The following MEI4 variants were observed in gnomAD, a reference collection of about 807,000 sequenced individuals.
The protein encoded by MEI4 is meiosis-specific protein MEI4.
MEI4 carries 27 observed loss-of-function variants against 31.4 expected under a neutral mutation model. The observed-to-expected ratio is 0.86, with a 90% CI of 0.63 to 1.19. The LOEUF is 1.19. Among genes scored for constraint, MEI4 ranks in the 50% most tolerant of loss-of-function variants. The probability of loss-of-function intolerance (pLI) is 0.00; values close to 1 mark genes in which losing one functional copy is unlikely to be tolerated. For synonymous variants in MEI4, 122 were observed against 145.4 expected (o/e 0.84, Z 1.16); for missense variants, 329 against 398.9 (o/e 0.82, Z 1.49).
At chr6:77,872,119 C>T (rs529421985) in intron 4 of MEI4, among the ~76,000 whole-genome samples, 240 of 152,140 alleles carry the variant, frequency 1.6e-3, no homozygotes, top group Non-Finnish European at 2.9e-3. Flanking sequence ...TCCCTTAAAT[C>T]GTGTGCAGTG....
rs796519026 is a variant in MEI4, at chr6:77,813,171, G to T, written c.769-15760G>T. On this transcript the variant is annotated intron_variant, in intron 3 of 4. Coordinates refer to ENST00000684080, the MANE Select transcript of MEI4 (RefSeq NM_001322247.2). Reference sequence around the variant, plus strand: ...TATTTTTTAACACAGAGCTGGAAAAGATATATTTGTGTCATTATTGCTTAA... The same window carrying T: ...TATTTTTTAACACAGAGCTGGAAAATATATATTTGTGTCATTATTGCTTAA... 5.3e-5 allele frequency among the ~76,000 whole-genome samples: 8 copies of T among 152,210 alleles called. No homozygotes were observed. The South Asian group carries it at 1.7e-3, about 32-fold the overall frequency.
chr6:77,653,940 G>C (rs967152618), intron 1 of MEI4, among the ~76,000 whole-genome samples: 2 of 152,102 alleles, frequency 1.3e-5, no homozygotes, highest in Non-Finnish European at 2.9e-5. Flanking sequence ...GTTTTATTTG[G>C]AGCAAGGCTT....
At chr6:77,800,423 C>A (rs1319049941) in intron 3 of MEI4, among the ~76,000 whole-genome samples, 4 of 152,188 alleles carry the variant, frequency 2.6e-5, no homozygotes, top group Non-Finnish European at 5.9e-5. Context: ...TCTAGATATA[C>A]AATCAAGTCA....
chr6:77,659,862 C>T (rs200075164), intron 1 of MEI4, among the ~76,000 whole-genome samples: 1 of 151,986 alleles, frequency 6.6e-6, no homozygotes, highest in African/African-American at 2.4e-5. Flanking sequence ...CAGTGGGTCT[C>T]TGCCGAGAGA....
At chr6:77,791,769 TTTTG>T (rs1768943468) in intron 3 of MEI4, among the ~76,000 whole-genome samples, 1 of 152,166 alleles carries the variant, frequency 6.6e-6, no homozygotes, top group South Asian at 2.1e-4. Context: ...ACCATACCTT[TTTTG>T]GTGAGAGAAC....
chr6:77,784,525 C>A (rs1768680455), intron 3 of MEI4, among the ~76,000 whole-genome samples: 1 of 152,088 alleles, frequency 6.6e-6, no homozygotes, highest in African/African-American at 2.4e-5. Flanking sequence ...AGTCTATGAA[C>A]ATGAGACTTC....
chr6:77,803,805 A>G (rs989402363), intron 3 of MEI4, among the ~76,000 whole-genome samples: 1 of 152,120 alleles, frequency 6.6e-6, no homozygotes, highest in Admixed American at 6.5e-5. Context: ...TGAACAGCAA[A>G]TGTTGCTGCC....
At chr6:77,775,658 T>C (rs1037516134) in intron 3 of MEI4, among the ~76,000 whole-genome samples, 1 of 152,136 alleles carries the variant, frequency 6.6e-6, no homozygotes, top group African/African-American at 2.4e-5. Context: ...CATGTGTAAG[T>C]ATTTTTTGTG....
At chr6:77,923,062 T>A (rs1291062314) in intron 4 of MEI4, 27 bp from the exon 5 acceptor site, 2 of 1,225,126 alleles carry the variant, frequency 1.6e-6, no homozygotes, top group Non-Finnish European at 2.0e-6. Context: ...ACCCAATTTT[T>A]TAAAGGAGTT....
intron 4 of MEI4, among the ~76,000 whole-genome samples, chr6:77,895,900 A>G (rs561410776): frequency 2.8e-4 from 43 of 152,138 alleles, no homozygotes; most frequent in Non-Finnish European, 1.9e-4. Context: ...CTTTCACATA[A>G]TAAACACTGT....
chr6:77,904,784 C>T (rs776011838), intron 4 of MEI4, among the ~76,000 whole-genome samples: 7 of 151,088 alleles, frequency 4.6e-5, no homozygotes, highest in African/African-American at 7.3e-5. Flanking sequence ...ATAAAGAAAT[C>T]TGCACTTCTA....
chr6:77,874,311 G>A (rs1420748882), intron 4 of MEI4, among the ~76,000 whole-genome samples: 6 of 152,140 alleles, frequency 3.9e-5, no homozygotes, highest in Non-Finnish European at 8.8e-5. Context: ...TCCTTGAAGA[G>A]TTCCTTCACA....
In MEI4 at chr6:77,829,280, TA is replaced by T. The variant is rs372941189; in HGVS notation, c.900+219del. ...AACCACTTTATAATGCTTACTTGCATATATGTGCCAAAGATGCCATTGGTGA... is the reference window on the plus strand; with the variant it reads ...AACCACTTTATAATGCTTACTTGCATTATGTGCCAAAGATGCCATTGGTGA... On this transcript the variant is annotated intron_variant, in intron 4 of 4. Transcript: ENST00000684080. Among the ~76,000 whole-genome samples, 954 of 152,272 alleles carry T rather than the reference TA, an allele frequency of 6.3e-3. 13 individuals carry two copies. Among genetic ancestry groups the T allele is most frequent in the African/African-American group, 0.022 (901 of 41,556 alleles).
At chr6:77,759,115 T>G (rs1767984454) in intron 2 of MEI4, among the ~76,000 whole-genome samples, 1 of 152,182 alleles carries the variant, frequency 6.6e-6, no homozygotes, top group Admixed American at 6.5e-5. Flanking sequence ...CCAACAGACA[T>G]TTTTTCAACC....
chr6:77,698,377 T>A (rs1766113812), intron 2 of MEI4, among the ~76,000 whole-genome samples: 1 of 152,168 alleles, frequency 6.6e-6, no homozygotes, highest in African/African-American at 2.4e-5. Context: ...GGTCTTTACA[T>A]TTTGGCAGGT....
chr6:77,783,671 A>G (rs1374891617), intron 3 of MEI4, among the ~76,000 whole-genome samples: 4 of 152,086 alleles, frequency 2.6e-5, no homozygotes, highest in Non-Finnish European at 5.9e-5. Flanking sequence ...TTTCATGAAT[A>G]TCTCTGTTTT....
intron 2 of MEI4, among the ~76,000 whole-genome samples, chr6:77,749,433 T>A (rs1173772794): frequency 6.6e-6 from 1 of 152,082 alleles, no homozygotes; most frequent in Non-Finnish European, 1.5e-5. Flanking sequence ...AATGACCTGA[T>A]GGAGCTGAAA....
chr6:77,923,299 G>A lies in MEI4; in HGVS notation c.1111G>A (p.Val371Met). The A allele has an allele frequency of 8.1e-7, 1 of 1,230,116 alleles. No homozygotes were observed. The highest frequency in any genetic ancestry group is 1.0e-6 in the Non-Finnish European group (1 of 986,596). The allele number at this position is 1,230,116 out of a possible 1,614,324, so 76.2% of individuals were successfully genotyped here. The change falls in exon 5 of 5, where the codon GTG (valine) becomes ATG (methionine). Residue 371 changes from valine to methionine, a missense_variant. Coordinates refer to ENST00000684080, the MANE Select transcript of MEI4 (RefSeq NM_001322247.2). ...TTTGTTTACTTTTTATTTATGGAGA[G>A]TGGGCATTCTTTTGAGCTCAGCACA... ...FPLFTFYLWR[V>M]GILLSSAQIE...
intron 4 of MEI4, among the ~76,000 whole-genome samples, chr6:77,877,677 G>C (rs1001293183): frequency 1.3e-5 from 2 of 151,106 alleles, no homozygotes; most frequent in Admixed American, 6.6e-5. Context: ...TGTTTTGGAG[G>C]GGGGAAAATG....
Sources: gnomAD v4.1 joint callset for allele counts (sites outside exome capture counted in the v4.1 genomes callset) on GRCh38, gnomAD v4.1.1 for gene constraint, MANE v1.5 for transcripts, NCBI Gene and HGNC (gene_info 2026-07-23, HGNC 2026-07-21) for gene names.